The following TMEM170B variants were observed in gnomAD, a reference collection of about 807,000 sequenced individuals.
The protein encoded by TMEM170B is transmembrane protein 170B.
TMEM170B carries 6 observed loss-of-function variants against 13.0 expected under a neutral mutation model. That is an observed-to-expected ratio of 0.46 (90% CI 0.25 to 0.91). The LOEUF (loss-of-function observed/expected upper bound fraction) is 0.91, where lower values mean the gene tolerates loss of function less well. Ranked by LOEUF, TMEM170B falls within the 40% of genes least tolerant of loss-of-function variation. The pLI is 0.17. For missense variants in TMEM170B, 138 were observed against 165.2 expected (o/e 0.84, Z 0.90); for synonymous variants, 61 against 64.9 (o/e 0.94, Z 0.29).
chr6:11,540,901 G>A (rs1439343705), intron 1 of TMEM170B, among the ~76,000 whole-genome samples: 1 of 152,160 alleles, frequency 6.6e-6, no homozygotes, highest in Non-Finnish European at 1.5e-5. Flanking sequence ...GATCTACTTG[G>A]ACATCTCCAT....
rs922349030 is a variant in TMEM170B, at chr6:11,581,375, A to T, written c.*5814A>T. On this transcript the variant is annotated 3_prime_UTR_variant, in exon 3 of 3. Coordinates refer to ENST00000379426, the MANE Select transcript of TMEM170B (RefSeq NM_001100829.3). The stretch of plus-strand genomic sequence containing the variant: ...AGGAAAGAATACTCTTAACCCCTAC[A>T]GTTATGCAGCTCTAATCTTACTGAA... 1 of 152,228 alleles carries T rather than the reference A, an allele frequency of 6.6e-6. No homozygotes were observed. The highest frequency in any genetic ancestry group is 2.4e-5 in the African/African-American group (1 of 41,448). 9.4% of individuals were successfully genotyped at this position (152,228 alleles called of 1,614,324 possible).
chr6:11,562,098 G>A (rs1759673968), intron 1 of TMEM170B, among the ~76,000 whole-genome samples: 1 of 152,140 alleles, frequency 6.6e-6, no homozygotes, highest in Non-Finnish European at 1.5e-5. Flanking sequence ...TGAAGAGCCT[G>A]TGGTTGTTGC....
intron 1 of TMEM170B, among the ~76,000 whole-genome samples, chr6:11,545,983 G>C (rs866340850): frequency 7.1e-6 from 1 of 141,750 alleles, no homozygotes; most frequent in Non-Finnish European, 1.5e-5. Context: ...GTGCACTCCA[G>C]CTTGGGCAAC....
At chr6:11,556,310 C>T (rs1036284177) in intron 1 of TMEM170B, among the ~76,000 whole-genome samples, 8 of 152,270 alleles carry the variant, frequency 5.3e-5, no homozygotes, top group African/African-American at 1.9e-4. Flanking sequence ...ACCTTCAGTG[C>T]ACTGCACGCT....
chr6:11,551,017 C>T (rs557917950), intron 1 of TMEM170B, among the ~76,000 whole-genome samples: 2 of 152,322 alleles, frequency 1.3e-5, no homozygotes, highest in African/African-American at 4.8e-5. Flanking sequence ...CTCATACAGT[C>T]TCTGATGGTC....
Position 11,538,511 on chromosome 6 carries a change from A to G in TMEM170B, c.97+137A>G, listed in dbSNP as rs549278268. 24 of 664,736 alleles carry G rather than the reference A, an allele frequency of 3.6e-5. No homozygotes were observed. In the African/African-American group the frequency reaches 4.1e-4, roughly 11 times the overall value. 41.2% of individuals were successfully genotyped at this position (664,736 alleles called of 1,614,324 possible). ...TCGGAGCTCCAGGTCCCGGCGAGGA[A>G]GGTGTTAATCGGAGCCACTCTGCGC... On this transcript the variant is annotated intron_variant, in intron 1 of 2. Coordinates refer to ENST00000379426, the MANE Select transcript of TMEM170B (RefSeq NM_001100829.3).
chr6:11,573,458 G>A (rs1759831213), intron 2 of TMEM170B, among the ~76,000 whole-genome samples: 2 of 152,262 alleles, frequency 1.3e-5, no homozygotes, highest in South Asian at 4.1e-4. Context: ...ACTGTTTTAA[G>A]CACTTGACAA....
In TMEM170B at chr6:11,575,633, C is replaced by T. The variant is rs1356203494; in HGVS notation, c.*72C>T. 5.7e-6 allele frequency: 9 copies of T among 1,565,398 alleles called. No homozygotes were observed. In the South Asian group the frequency reaches 6.7e-5, roughly 12 times the overall value. On this transcript the variant is annotated 3_prime_UTR_variant, in exon 3 of 3. Coordinates refer to ENST00000379426, the MANE Select transcript of TMEM170B (RefSeq NM_001100829.3). This position sits in a 1 kb window ranked among gnomAD's most constrained non-coding sequence, Gnocchi z 4.1. ...GATTCCCTGAAAACGGCATTGTTAA[C>T]AAGTGGAAATGAAATTGTGCAAGAA... is the stretch of plus-strand genomic sequence containing the variant.
intron 1 of TMEM170B, among the ~76,000 whole-genome samples, chr6:11,561,728 A>G (rs931128320): frequency 1.3e-5 from 2 of 152,222 alleles, no homozygotes; most frequent in African/African-American, 4.8e-5. Context: ...AGAGAAAGAA[A>G]TATAAAAGTA....
rs1365635783 is a variant in TMEM170B, at chr6:11,579,329, C to T, written c.*3768C>T. 3.9e-5 allele frequency: 6 copies of T among 152,208 alleles called. No homozygotes were observed. Among genetic ancestry groups the T allele is most frequent in the African/African-American group, 1.4e-4 (6 of 41,450 alleles). 9.4% of individuals were successfully genotyped at this position (152,208 alleles called of 1,614,324 possible). A position where few individuals can be genotyped will look rare whatever the true frequency, so the allele number is the denominator to read the frequency against. Reference sequence around the variant, plus strand: ...TAACTTCTCTGAGCCTCAGTTCATACTCCGTAAAATGTGACTAATACCTCA... The same window carrying T: ...TAACTTCTCTGAGCCTCAGTTCATATTCCGTAAAATGTGACTAATACCTCA... On this transcript the variant is annotated 3_prime_UTR_variant, in exon 3 of 3. Transcript: ENST00000379426.
At chr6:11,559,332 G>A (rs1759630589) in intron 1 of TMEM170B, among the ~76,000 whole-genome samples, 1 of 151,690 alleles carries the variant, frequency 6.6e-6, no homozygotes, top group Admixed American at 6.6e-5. Flanking sequence ...GGGTAGTGAG[G>A]GACCACAGGA....
chr6:11,570,455 A>G (rs865920401), intron 2 of TMEM170B, among the ~76,000 whole-genome samples: 2 of 152,352 alleles, frequency 1.3e-5, no homozygotes, highest in Middle Eastern at 3.4e-3. Context: ...TAATAGAAGA[A>G]ATACTAAATC....
chr6:11,565,660 T>C lies in TMEM170B; in HGVS notation c.98-6T>C. 3 of 1,613,910 alleles carry C rather than the reference T, an allele frequency of 1.9e-6. No individual in the cohort carries two copies. Among genetic ancestry groups the C allele is most frequent in the Non-Finnish European group, 2.5e-6 (3 of 1,179,848 alleles). On this transcript the variant is annotated splice_region_variant and splice_polypyrimidine_tract_variant and intron_variant, in intron 1 of 2. Coordinates refer to ENST00000379426, the MANE Select transcript of TMEM170B (RefSeq NM_001100829.3). ...CAGATGATTAATACTTTGCTTTTCC[T>C]TTCAGAGATGTGGTACTGGATCTTC...
chr6:11,542,738 A>G (rs994856337), intron 1 of TMEM170B, among the ~76,000 whole-genome samples: 2 of 152,196 alleles, frequency 1.3e-5, no homozygotes, highest in African/African-American at 4.8e-5. Flanking sequence ...TTTGGTGTGT[A>G]TCTTAATCAT....
intron 1 of TMEM170B, 35 bp downstream of exon 1, chr6:11,538,409 G>C: frequency 1.4e-6 from 2 of 1,421,626 alleles, no homozygotes; most frequent in South Asian, 1.3e-5. Flanking sequence ...ACGGGGATGC[G>C]GTCCGCCCCT....
Position 11,550,643 on chromosome 6 carries a change from A to T in TMEM170B, c.97+12269A>T, listed in dbSNP as rs148260671. On this transcript the variant is annotated intron_variant, in intron 1 of 2. Coordinates refer to ENST00000379426, the MANE Select transcript of TMEM170B (RefSeq NM_001100829.3). The stretch of plus-strand genomic sequence containing the variant: ...TTTAACACCTTTTAATGTGCTTGGC[A>T]TTGTTCTAAGAATGTTACATGTATT... Among the ~76,000 whole-genome samples the T allele has an allele frequency of 8.0e-3, 1,211 of 152,218 alleles. 1 individual carries two copies. The highest frequency in any genetic ancestry group is 0.013 in the Non-Finnish European group (881 of 67,992).
intron 1 of TMEM170B, among the ~76,000 whole-genome samples, chr6:11,560,270 T>C (rs1242591023): frequency 2.0e-5 from 3 of 151,934 alleles, no homozygotes; most frequent in Non-Finnish European, 4.4e-5. Context: ...GTTCACACCA[T>C]TCTCCTGCCT....
intron 1 of TMEM170B, among the ~76,000 whole-genome samples, chr6:11,565,194 G>A (rs1472830676): frequency 6.6e-6 from 1 of 152,132 alleles, no homozygotes; most frequent in African/African-American, 2.4e-5. Context: ...GCCACAAGGA[G>A]AAAATGACTG....
chr6:11,565,904 T>G (rs1374099654), intron 2 of TMEM170B, 68 bp downstream of exon 2: 1 of 1,423,776 alleles, frequency 7.0e-7, no homozygotes, highest in Non-Finnish European at 9.9e-7. Flanking sequence ...AGCTGTGTTC[T>G]TATTATACAT....
Sources: allele counts gnomAD v4.1 joint callset (sites outside exome capture counted in the v4.1 genomes callset), GRCh38; gene constraint gnomAD v4.1.1; non-coding constraint Gnocchi (gnomAD v3.1); transcripts MANE v1.5; gene names NCBI Gene and HGNC (gene_info 2026-07-23, HGNC 2026-07-21).